The following NRXN3 variants were observed in gnomAD, a reference collection of about 807,000 sequenced individuals.
NRXN3 encodes neurexin III.
A neutral mutation model predicts 137.6 loss-of-function variants in NRXN3; 32 were observed. The ratio of observed to expected loss-of-function variants is 0.23; its 90% CI spans 0.18 to 0.31. The LOEUF is 0.31. Ranked by LOEUF, NRXN3 falls within the 10% of genes least tolerant of loss-of-function variation. The pLI is 1.00. For synonymous variants in NRXN3, 798 were observed against 784.5 expected (o/e 1.02, Z -0.29); for missense variants, 1,574 against 2,062.5 (o/e 0.76, Z 4.59).
chr14:78,972,085 A>T (rs930840533), intron 14 of NRXN3, among the ~76,000 whole-genome samples: 4 of 152,176 alleles, frequency 2.6e-5, no homozygotes, highest in Non-Finnish European at 5.9e-5. Context: ...TTGTAACTTG[A>T]TACCTCTCAA....
At chr14:79,710,533 T>C (rs2098799648) in intron 19 of NRXN3, among the ~76,000 whole-genome samples, 1 of 152,128 alleles carries the variant, frequency 6.6e-6, no homozygotes, top group Non-Finnish European at 1.5e-5. Context: ...TTGTAACACG[T>C]GTCTACTGAT....
chr14:79,566,861 T>A (rs1288219764), intron 16 of NRXN3, among the ~76,000 whole-genome samples: 1 of 152,176 alleles, frequency 6.6e-6, no homozygotes, highest in Admixed American at 6.6e-5. Flanking sequence ...TGAATCATGA[T>A]ACTCCTCATC....
intron 15 of NRXN3, among the ~76,000 whole-genome samples, chr14:79,351,933 G>A (rs1449734628): frequency 6.6e-6 from 1 of 152,134 alleles, no homozygotes; most frequent in African/African-American, 2.4e-5. Flanking sequence ...TCCAAGCTAT[G>A]AGAACAATAG....
At chr14:78,799,867 G>C (rs1001812238) in intron 8 of NRXN3, among the ~76,000 whole-genome samples, 4 of 151,990 alleles carry the variant, frequency 2.6e-5, no homozygotes, top group South Asian at 2.1e-4. Context: ...GCAGTATGGG[G>C]GAAACTGCCC....
chr14:79,868,251 G>A lies in NRXN3; in HGVS notation c.*6287G>A, dbSNP rs1267377654. 2 of 152,078 alleles carry A rather than the reference G, an allele frequency of 1.3e-5. No homozygotes were observed. Among genetic ancestry groups the A allele is most frequent in the African/African-American group, 4.8e-5 (2 of 41,412 alleles). 9.4% of individuals were successfully genotyped at this position (152,078 alleles called of 1,614,324 possible). On this transcript the variant is annotated 3_prime_UTR_variant, in exon 21 of 21. Transcript: ENST00000335750. ...AGCTGCTATATGCATGACTAACCAG[G>A]ACCAAAAAGTTAATAAAAATACGAA...
At chr14:78,463,963 CTAT>C (rs1418822472) in intron 4 of NRXN3, among the ~76,000 whole-genome samples, 2 of 151,406 alleles carry the variant, frequency 1.3e-5, no homozygotes, top group Non-Finnish European at 1.5e-5. Context: ...GAATTAACTG[CTAT>C]TATTATTACT....
chr14:79,236,627 T>A (rs2073410367), intron 15 of NRXN3, among the ~76,000 whole-genome samples: 1 of 152,070 alleles, frequency 6.6e-6, no homozygotes, highest in South Asian at 2.1e-4. Context: ...GTGTGTTAGA[T>A]CTGGCCAGGC....
intron 20 of NRXN3, among the ~76,000 whole-genome samples, chr14:79,847,500 A>G (rs116371153): frequency 1.3e-5 from 2 of 152,170 alleles, no homozygotes; most frequent in Admixed American, 6.6e-5. Flanking sequence ...CTTGTCCCCC[A>G]TGCCAACCCC....
At chr14:79,748,105 G>A (rs1412108346) in intron 19 of NRXN3, among the ~76,000 whole-genome samples, 1 of 151,986 alleles carries the variant, frequency 6.6e-6, no homozygotes, top group Non-Finnish European at 1.5e-5. Context: ...TAATACCTAG[G>A]TGATGGGTTG....
chr14:79,094,903 T>G (rs1468948214), intron 15 of NRXN3, among the ~76,000 whole-genome samples: 1 of 151,150 alleles, frequency 6.6e-6, no homozygotes, highest in Non-Finnish European at 1.5e-5. Context: ...TGAGCCTTTT[T>G]AAACAAGAAA....
intron 4 of NRXN3, among the ~76,000 whole-genome samples, chr14:78,314,404 T>C (rs917886275): frequency 3.9e-5 from 6 of 152,120 alleles, no homozygotes; most frequent in African/African-American, 1.2e-4. Context: ...GGTGGTGAAG[T>C]GGGGGATCTC....
intron 15 of NRXN3, among the ~76,000 whole-genome samples, chr14:79,414,867 C>G (rs1164712237): frequency 6.6e-6 from 1 of 152,078 alleles, no homozygotes; most frequent in African/African-American, 2.4e-5. Context: ...CCCATTTCCC[C>G]TATTTCCTGA....
chr14:79,627,877 G>T (rs754098241), intron 16 of NRXN3, among the ~76,000 whole-genome samples: 1 of 152,024 alleles, frequency 6.6e-6, no homozygotes, highest in Non-Finnish European at 1.5e-5. Flanking sequence ...TATATAGAGT[G>T]ACAATTTTCA....
At chr14:78,525,624 A>C (rs1203916834) in intron 4 of NRXN3, among the ~76,000 whole-genome samples, 5 of 152,182 alleles carry the variant, frequency 3.3e-5, no homozygotes, top group Admixed American at 6.5e-5. Flanking sequence ...TCATGCCATA[A>C]TCACTTCATC....
At chr14:78,801,636 A>G (rs997541585) in intron 8 of NRXN3, among the ~76,000 whole-genome samples, 1 of 152,184 alleles carries the variant, frequency 6.6e-6, no homozygotes, top group African/African-American at 2.4e-5. Flanking sequence ...TTGAGATGAG[A>G]TTTGGGTGGG....
chr14:79,280,098 T>A lies in NRXN3; in HGVS notation c.3263-187123T>A, dbSNP rs187261669. Reference sequence around the variant, plus strand: ...AAGAGAAGGGGCTTTTTGCCTTTTATCTTTTTTTTTTCTTTCTTTAAGTAG... The same window carrying A: ...AAGAGAAGGGGCTTTTTGCCTTTTAACTTTTTTTTTTCTTTCTTTAAGTAG... On this transcript the variant is annotated intron_variant, in intron 15 of 20. Coordinates refer to ENST00000335750, the MANE Select transcript of NRXN3 (RefSeq NM_001330195.2). 2.9e-6 allele frequency: 4 copies of A among 1,393,916 alleles called. No individual in the cohort carries two copies. The African/African-American group carries it at 6.3e-5, about 22-fold the overall frequency. The allele number at this position is 1,393,916 out of a possible 1,614,324, so 86.3% of individuals were successfully genotyped here.
intron 15 of NRXN3, chr14:79,279,756 G>GCC (rs923159320): frequency 1.0e-6 from 1 of 987,888 alleles, no homozygotes; most frequent in Non-Finnish European, 1.2e-6. Context: ...TCCACCTGCA[G>GCC]CCCCCTTTTG....
intron 10 of NRXN3, among the ~76,000 whole-genome samples, chr14:78,869,920 A>G (rs1219563847): frequency 1.3e-5 from 2 of 152,210 alleles, no homozygotes; most frequent in Non-Finnish European, 2.9e-5. Context: ...TGAACAAGTG[A>G]GAATTTTTAA....
At chr14:79,668,118 C>G (rs559519432) in intron 17 of NRXN3, among the ~76,000 whole-genome samples, 33 of 152,008 alleles carry the variant, frequency 2.2e-4, no homozygotes, top group Non-Finnish European at 4.7e-4. Context: ...AAAATGCACA[C>G]GGATGACCTA....
Sources: gnomAD v4.1 joint callset for allele counts (sites outside exome capture counted in the v4.1 genomes callset) on GRCh38, gnomAD v4.1.1 for gene constraint, MANE v1.5 for transcripts, NCBI Gene and HGNC (gene_info 2026-07-23, HGNC 2026-07-21) for gene names.